The following ARMC2 variants were observed in gnomAD, a reference collection of about 807,000 sequenced individuals.
ARMC2 encodes armadillo repeat-containing protein 2.
In ARMC2, 67 loss-of-function variants were observed where a neutral mutation model predicts 90.3. The observed-to-expected ratio is 0.74, with a 90% CI of 0.61 to 0.91. The LOEUF (loss-of-function observed/expected upper bound fraction) is 0.91, where lower values mean the gene tolerates loss of function less well. Among genes scored for constraint, ARMC2 ranks in the 40% least tolerant of loss-of-function variants. The pLI, the probability that ARMC2 is intolerant of heterozygous loss-of-function variation, is 0.00. For missense variants in ARMC2, 920 were observed against 1,030.9 expected (o/e 0.89, Z 1.47); for synonymous variants, 393 against 393.0 (o/e 1.00, Z 0.00).
At chr6:108,997,641 A>G in the ARMC2 span, among the ~76,000 whole-genome samples, 1 of 152,238 alleles carries the variant, frequency 6.6e-6, no homozygotes, top group Admixed American at 6.5e-5. Flanking sequence ...TTTAGATACA[A>G]AAGAACTGAG....
At chr6:108,954,554 C>T (rs540916746) in intron 13 of ARMC2, among the ~76,000 whole-genome samples, 5 of 152,226 alleles carry the variant, frequency 3.3e-5, no homozygotes, top group African/African-American at 9.6e-5. Flanking sequence ...ACTCAGGAGA[C>T]GGAGGGCCGC....
chr6:108,913,815 C>T lies in ARMC2; in HGVS notation c.1350+1257C>T, dbSNP rs201212640. Among the ~76,000 whole-genome samples, 5 of 152,300 alleles carry T rather than the reference C, an allele frequency of 3.3e-5. No individual in the cohort carries two copies. The East Asian group carries it at 9.6e-4, about 29-fold the overall frequency. ...CCTTCTGGTTTATCCATTTAGCTAA[C>T]ATTGTTCACACTGATGTGTTCAGCA... On this transcript the variant is annotated intron_variant, in intron 10 of 17. Coordinates refer to ENST00000392644, the MANE Select transcript of ARMC2 (RefSeq NM_032131.6).
At chr6:108,950,570 C>T (rs1247907916) in intron 12 of ARMC2, among the ~76,000 whole-genome samples, 3 of 152,080 alleles carry the variant, frequency 2.0e-5, no homozygotes, top group East Asian at 3.8e-4. Context: ...GGGAGCTAAA[C>T]GATGAGAACT....
chr6:108,868,739 C>G (rs1365343553), intron 3 of ARMC2, 85 bp from the exon 4 acceptor site: 2 of 1,312,794 alleles, frequency 1.5e-6, no homozygotes, highest in African/African-American at 3.0e-5. Flanking sequence ...TTGTGCTCTT[C>G]TGGAAGGGTT....
At chr6:108,862,883 A>T (rs946726960) in intron 3 of ARMC2, among the ~76,000 whole-genome samples, 2 of 152,172 alleles carry the variant, frequency 1.3e-5, no homozygotes, top group African/African-American at 4.8e-5. Flanking sequence ...GCAGCCTTTC[A>T]GCTCCTACAT....
chr6:108,868,365 C>T (rs1379714607), intron 3 of ARMC2, among the ~76,000 whole-genome samples: 3 of 152,000 alleles, frequency 2.0e-5, no homozygotes, highest in Admixed American at 6.6e-5. Context: ...TACAAGCATG[C>T]GCCACCATGC....
At chr6:108,990,483 G>T in the ARMC2 span, among the ~76,000 whole-genome samples, 1 of 152,296 alleles carries the variant, frequency 6.6e-6, no homozygotes, top group East Asian at 1.9e-4. Flanking sequence ...AAACTAAGCT[G>T]CAATAAAGTG....
At chr6:109,052,026 GGCTTATTA>G in the ARMC2 span, among the ~76,000 whole-genome samples, 1 of 152,092 alleles carries the variant, frequency 6.6e-6, no homozygotes, top group South Asian at 2.1e-4. Flanking sequence ...AGACAACAAT[GGCTTATTA>G]GCTTGGTGCA....
chr6:109,050,777 T>TA, the ARMC2 span, among the ~76,000 whole-genome samples: 4 of 152,076 alleles, frequency 2.6e-5, no homozygotes, highest in South Asian at 2.1e-4. Flanking sequence ...CATAAGGAAT[T>TA]AAAAAAATAC....
intron 10 of ARMC2, chr6:108,923,036 A>G (rs919695996): frequency 1.3e-5 from 2 of 151,894 alleles, no homozygotes; most frequent in East Asian, 1.9e-4. Flanking sequence ...TCTTCTTCCT[A>G]TGGGCTGCCT....
intron 6 of ARMC2, among the ~76,000 whole-genome samples, chr6:108,897,766 A>G (rs940176881): frequency 1.3e-5 from 2 of 152,214 alleles, no homozygotes; most frequent in African/African-American, 4.8e-5. Context: ...CTGAATTCAA[A>G]TGAATTCTTA....
chr6:109,021,225 C>A, the ARMC2 span, among the ~76,000 whole-genome samples: 1 of 152,104 alleles, frequency 6.6e-6, no homozygotes, highest in Non-Finnish European at 1.5e-5. Context: ...CTCAAGTGAA[C>A]TCCCGCCTCA....
chr6:108,916,987 C>T (rs1774029457), intron 10 of ARMC2, among the ~76,000 whole-genome samples: 1 of 152,130 alleles, frequency 6.6e-6, no homozygotes. Flanking sequence ...AAGGAAATCT[C>T]AATGTACTTA....
chr6:108,886,355 C>G (rs897019754), intron 5 of ARMC2, among the ~76,000 whole-genome samples: 1 of 152,124 alleles, frequency 6.6e-6, no homozygotes, highest in African/African-American at 2.4e-5. Flanking sequence ...GTTGGGAGTT[C>G]GAGACCCGCT....
At chr6:109,030,078 T>C in the ARMC2 span, among the ~76,000 whole-genome samples, 1 of 152,170 alleles carries the variant, frequency 6.6e-6, no homozygotes. Flanking sequence ...AACTTGGCCA[T>C]AGCTTTTCGA....
intron 17 of ARMC2, 139 bp from the exon 18 acceptor site, chr6:108,973,217 CT>C: frequency 1.7e-6 from 1 of 601,208 alleles, no homozygotes; most frequent in Non-Finnish European, 2.8e-6. Flanking sequence ...GAGTAAAGAA[CT>C]TCTCTGAAAT....
chr6:108,889,586 G>A (rs1414291481), intron 5 of ARMC2, among the ~76,000 whole-genome samples: 3 of 151,896 alleles, frequency 2.0e-5, no homozygotes, highest in East Asian at 1.9e-4. Context: ...GACTACAGGT[G>A]TGTGCCACCA....
intron 10 of ARMC2, among the ~76,000 whole-genome samples, chr6:108,916,546 T>G (rs1030491078): frequency 6.6e-6 from 1 of 152,204 alleles, no homozygotes; most frequent in Non-Finnish European, 1.5e-5. Flanking sequence ...CAGGTTAAAC[T>G]GTGCATGTTC....
At chr6:108,903,563 T>G (rs1187402653) in intron 7 of ARMC2, among the ~76,000 whole-genome samples, 2 of 152,306 alleles carry the variant, frequency 1.3e-5, no homozygotes, top group Admixed American at 6.5e-5. Flanking sequence ...ATGTGTGAAG[T>G]TATGCTATAT....
Sources: allele counts gnomAD v4.1 joint callset (sites outside exome capture counted in the v4.1 genomes callset), GRCh38; gene constraint gnomAD v4.1.1; transcripts MANE v1.5; gene names NCBI Gene and HGNC (gene_info 2026-07-23, HGNC 2026-07-21).